The following CRY2 variants were observed in gnomAD, a reference collection of about 807,000 sequenced individuals.
The protein encoded by CRY2 is cryptochrome circadian regulator 2.
In CRY2, 31 loss-of-function variants were observed where a neutral mutation model predicts 69.5. The observed-to-expected ratio is 0.45, with a 90% CI of 0.34 to 0.60. CRY2 has a LOEUF of 0.60. CRY2 is among the 20% of genes least tolerant of loss of function. The pLI is 0.02. For missense variants in CRY2, 606 were observed against 797.8 expected (o/e 0.76, Z 2.90); for synonymous variants, 303 against 312.2 (o/e 0.97, Z 0.31).
At position 45,882,159 on chromosome 11, in the gene CRY2, C is replaced by G. The variant is rs1179894764; in HGVS notation, c.*1248C>G. The G allele has an allele frequency of 6.5e-6, 1 of 153,612 alleles. No homozygotes were observed. The highest frequency in any genetic ancestry group is 1.5e-5 in the Non-Finnish European group (1 of 68,866). The allele number at this position is 153,612 out of a possible 1,614,324, so 9.5% of individuals were successfully genotyped here. On this transcript the variant is annotated 3_prime_UTR_variant, in exon 12 of 12. Transcript: ENST00000616080. ...GCCTGTGCCTCCCACCTCTTCCTTC[C>G]CACTGCCAAAGGCCTGTGTTGAGAA... is the stretch of plus-strand genomic sequence containing the variant.
At chr11:45,874,979 A>G (rs2086414672) in intron 11 of CRY2, among the ~76,000 whole-genome samples, 1 of 152,212 alleles carries the variant, frequency 6.6e-6, no homozygotes, top group South Asian at 2.1e-4. Flanking sequence ...AGTGCTATGA[A>G]AACAATAAAA....
rs773928943 is a variant in CRY2 at position 45,858,898 on chromosome 11, G to T, written c.467+25G>T. Reference sequence around the variant, plus strand: ...GGTAAGAGATGGGGCCCAGGGATCAGGTTACCAATTGTGAGAGTTAGTAAT... The same window carrying T: ...GGTAAGAGATGGGGCCCAGGGATCATGTTACCAATTGTGAGAGTTAGTAAT... On this transcript the variant is annotated intron_variant, in intron 3 of 11. Coordinates refer to ENST00000616080, the MANE Select transcript of CRY2 (RefSeq NM_021117.5). The T allele has an allele frequency of 1.6e-4, 262 of 1,607,034 alleles. 1 individual carries two copies. Among genetic ancestry groups the T allele is most frequent in the South Asian group, 2.3e-4 (21 of 90,218 alleles).
rs139385343 is a variant in CRY2 at position 45,870,365 on chromosome 11, G to A, written c.1382G>A (p.Arg461Gln). The A allele has an allele frequency of 1.9e-4, 311 of 1,614,154 alleles. 1 individual carries two copies. The African/African-American group carries it at 3.5e-3, about 18-fold the overall frequency. Residue 461 changes from arginine (R) to glutamine (Q), a missense_variant, in exon 9 of 12, where the codon CGA becomes CAA. Arg to Gln is a conservative substitution (Grantham distance 43, BLOSUM62 1). Coordinates refer to ENST00000616080, the MANE Select transcript of CRY2 (RefSeq NM_021117.5). ...YLPKLKAFPSRYIYEPWNAPE... is the reference protein window; with the variant it reads ...YLPKLKAFPSQYIYEPWNAPE... ...CCCAAATTGAAAGCGTTCCCCTCTCGATACATCTATGAGCCCTGGAATGCC... is the reference window on the plus strand; with the variant it reads ...CCCAAATTGAAAGCGTTCCCCTCTCAATACATCTATGAGCCCTGGAATGCC...
At chr11:45,864,869 A>G (rs1229786398) in intron 5 of CRY2, among the ~76,000 whole-genome samples, 1 of 151,376 alleles carries the variant, frequency 6.6e-6, no homozygotes, top group Non-Finnish European at 1.5e-5. Context: ...CTCTGTCTCA[A>G]AAAAAAAAGA....
At chr11:45,870,265 T>C in intron 8 of CRY2, 61 bp downstream of exon 8, 3 of 1,612,030 alleles carry the variant, frequency 1.9e-6, no homozygotes, top group Admixed American at 1.7e-5. Context: ...TAGGATGGGA[T>C]ACCCTGGGCC....
Position 45,869,663 on chromosome 11 carries a change from C to G in CRY2, c.1040C>G (p.Ala347Gly). The G allele has an allele frequency of 6.2e-7, 1 of 1,614,260 alleles. No individual in the cohort carries two copies. Among genetic ancestry groups the G allele is most frequent in the Non-Finnish European group, 8.5e-7 (1 of 1,180,048 alleles). ...TGGGACCGCAATCCTGAGGCCCTGG[C>G]CAAGTGGGCTGAGGGCAAGACAGGC... ...IPWDRNPEAL[A>G]KWAEGKTGFP... is the part of the protein sequence containing the mutation. Residue 347 changes from alanine (A) to glycine (G), a missense_variant, in exon 7 of 12, where the codon GCC becomes GGC. By Grantham distance (60) the Ala-to-Gly change is moderately conservative. Coordinates refer to ENST00000616080, the MANE Select transcript of CRY2 (RefSeq NM_021117.5).
chr11:45,874,008 G>A (rs553558626), intron 11 of CRY2, among the ~76,000 whole-genome samples: 64 of 152,308 alleles, frequency 4.2e-4, no homozygotes, highest in African/African-American at 1.3e-3. Context: ...TGGGCCGGGC[G>A]CAGTGGCTCA....
intron 1 of CRY2, among the ~76,000 whole-genome samples, chr11:45,852,840 C>G (rs903616701): frequency 3.9e-5 from 6 of 152,296 alleles, no homozygotes; most frequent in Admixed American, 3.3e-4. Flanking sequence ...AATACAGATT[C>G]TAATTTTGGA....
At position 45,870,199 on chromosome 11, in the gene CRY2, C is replaced by T; in HGVS notation, c.1341C>T (p.Tyr447=). 3 of 1,612,214 alleles carry T rather than the reference C, an allele frequency of 1.9e-6. No homozygotes were observed. Among genetic ancestry groups the T allele is most frequent in the Non-Finnish European group, 2.5e-6 (3 of 1,179,050 alleles). The change falls in exon 8 of 12, where the codon TAC becomes TAT. Residue 447 remains tyrosine (Y), a synonymous_variant. Transcript: ENST00000616080. Reference sequence around the variant, plus strand: ...GTCGCACGGACCCCAGTGGGGACTACATCAGGTGAGGATACAGACCAGGCT... The same window carrying T: ...GTCGCACGGACCCCAGTGGGGACTATATCAGGTGAGGATACAGACCAGGCT... ...FGRRTDPSGD[Y]IRRYLPKLKA... is the part of the protein sequence containing the mutation.
At chr11:45,878,444 ATC>A (rs1457094198) in intron 11 of CRY2, among the ~76,000 whole-genome samples, 1 of 152,226 alleles carries the variant, frequency 6.6e-6, no homozygotes. Context: ...AAGAATAGCC[ATC>A]TCTTTAGTTT....
intron 1 of CRY2, among the ~76,000 whole-genome samples, chr11:45,849,404 G>A (rs2086176775): frequency 6.6e-6 from 1 of 152,168 alleles, no homozygotes; most frequent in Admixed American, 6.5e-5. Context: ...TCTAGATGTT[G>A]CTAGGGATAC....
intron 10 of CRY2, 32 bp downstream of exon 10, chr11:45,870,966 C>G (rs758891571): frequency 6.4e-7 from 1 of 1,561,464 alleles, no homozygotes; most frequent in East Asian, 2.3e-5. Flanking sequence ...CCTGTGGCCT[C>G]CTGTGGCCTG....
intron 11 of CRY2, among the ~76,000 whole-genome samples, chr11:45,879,946 T>C (rs139382397): frequency 0.017 from 2,541 of 152,324 alleles, 82 homozygotes; most frequent in Admixed American, 0.084. Context: ...CTAAATTTCC[T>C]CTTCCTTTAA....
At chr11:45,874,688 T>C (rs1268535289) in intron 11 of CRY2, among the ~76,000 whole-genome samples, 1 of 152,230 alleles carries the variant, frequency 6.6e-6, no homozygotes, top group Non-Finnish European at 1.5e-5. Flanking sequence ...CTCACACTTG[T>C]AATCCCAGCA....
chr11:45,865,361 C>T (rs754739891), intron 5 of CRY2, among the ~76,000 whole-genome samples: 1 of 152,138 alleles, frequency 6.6e-6, no homozygotes, highest in Non-Finnish European at 1.5e-5. Context: ...GTGGCTATTG[C>T]GTGGATGTTT....
intron 10 of CRY2, among the ~76,000 whole-genome samples, chr11:45,871,883 C>T (rs772952880): frequency 5.3e-5 from 8 of 152,242 alleles, no homozygotes; most frequent in Non-Finnish European, 7.3e-5. Context: ...GTCCTGCTAC[C>T]AGCAGGCCTG....
At chr11:45,879,825 C>T (rs1353394098) in intron 11 of CRY2, among the ~76,000 whole-genome samples, 2 of 152,190 alleles carry the variant, frequency 1.3e-5, no homozygotes, top group Non-Finnish European at 2.9e-5. Flanking sequence ...AGTCTAAGAT[C>T]AAAATGTTGC....
chr11:45,870,038 C>G lies in CRY2; in HGVS notation c.1195-15C>G, dbSNP rs373419375. 1 of 1,581,460 alleles carries G rather than the reference C, an allele frequency of 6.3e-7. No homozygotes were observed. Among genetic ancestry groups the G allele is most frequent in the African/African-American group, 1.3e-5 (1 of 74,316 alleles). On this transcript the variant is annotated splice_polypyrimidine_tract_variant and intron_variant, in intron 7 of 11. Transcript: ENST00000616080. The stretch of plus-strand genomic sequence containing the variant: ...CATGTCCCCAAGGAGGCTGATCATC[C>G]CCTCCCCTATCTAGGTATTTGATGA...
chr11:45,870,426 T>G lies in CRY2; in HGVS notation c.1443T>G (p.Ile481Met). The G allele has an allele frequency of 6.2e-7, 1 of 1,614,188 alleles. No homozygotes were observed. Among genetic ancestry groups the G allele is most frequent in the Non-Finnish European group, 8.5e-7 (1 of 1,180,028 alleles). ...ESIQKAAKCI[I>M]GVDYPRPIVN... is the part of the protein sequence containing the mutation. ...TTCAGAAGGCAGCCAAGTGCATCAT[T>G]GGTGTGGACTACCCACGGCCCATCG... The change falls in exon 9 of 12, where the codon ATT becomes ATG. Residue 481 changes from isoleucine (I) to methionine (M), a missense_variant. By Grantham distance (10) the Ile-to-Met change is conservative. Around this residue, in one of 5 missense-constraint regions of CRY2, gnomAD observed 173 missense variants for 213.7 expected, o/e 0.81. Coordinates refer to ENST00000616080, the MANE Select transcript of CRY2 (RefSeq NM_021117.5).
Sources: allele counts gnomAD v4.1 joint callset (sites outside exome capture counted in the v4.1 genomes callset), GRCh38; gene constraint gnomAD v4.1.1; regional missense constraint gnomAD v4.1.1; transcripts MANE v1.5; gene names NCBI Gene and HGNC (gene_info 2026-07-23, HGNC 2026-07-21).